The following SDK1 variants were observed in gnomAD, a reference collection of about 807,000 sequenced individuals.
SDK1 encodes protein sidekick-1.
Under a neutral mutation model 245.5 loss-of-function variants are expected in SDK1, and 157 were observed. The ratio of observed to expected loss-of-function variants is 0.64; its 90% confidence interval spans 0.56 to 0.73. The LOEUF is 0.73. Among genes scored for constraint, SDK1 ranks in the 30% least tolerant of loss-of-function variants. The pLI is 0.00. For missense variants in SDK1, 3,583 were observed against 3,002.3 expected, an observed-to-expected ratio of 1.19 and a Z score of -4.52; for synonymous variants, 1,647 against 1,278.5, an observed-to-expected ratio of 1.29 and a Z score of -6.15.
At position 4,026,044 on chromosome 7, in the gene SDK1, C is replaced by T. The variant is rs1050461069; in HGVS notation, c.2602+8692C>T. 5.3e-5 allele frequency among the ~76,000 whole-genome samples: 8 copies of T among 152,238 alleles called. No homozygotes were observed. Among genetic ancestry groups the T allele is most frequent in the Non-Finnish European group, 8.8e-5 (6 of 68,044 alleles). On this transcript the variant is annotated intron_variant, in intron 17 of 44. Transcript: ENST00000404826. The surrounding 1 kb of genome is among the most constrained non-coding windows in gnomAD (Gnocchi z 4.1). ...CGCATGGGGAAATTAGGTCCACGAA[C>T]GCGTCCCCAGCGTTGGGGAGGTATG...
intron 32 of SDK1, among the ~76,000 whole-genome samples, chr7:4,164,494 CTCG>C (rs1781368996): frequency 6.6e-6 from 1 of 152,240 alleles, no homozygotes; most frequent in African/African-American, 2.4e-5. Context: ...GTCCCAAGTG[CTCG>C]TTTCCCAGCC....
At chr7:4,079,973 A>G (rs779370008) in intron 22 of SDK1, among the ~76,000 whole-genome samples, 1 of 152,194 alleles carries the variant, frequency 6.6e-6, no homozygotes, top group Non-Finnish European at 1.5e-5. Flanking sequence ...TCATTCAACA[A>G]TATTTTTAGA....
At chr7:4,014,068 A>T (rs1786197464) in intron 16 of SDK1, among the ~76,000 whole-genome samples, 1 of 152,194 alleles carries the variant, frequency 6.6e-6, no homozygotes, top group Non-Finnish European at 1.5e-5. Flanking sequence ...TCCACTAATG[A>T]GAATAATTGG....
chr7:3,518,417 A>G (rs547874068), intron 1 of SDK1, among the ~76,000 whole-genome samples: 1 of 152,096 alleles, frequency 6.6e-6, no homozygotes. Flanking sequence ...ATGGGAGAAC[A>G]TATTTGCAAA....
chr7:3,776,445 A>G (rs1780564843), intron 4 of SDK1, among the ~76,000 whole-genome samples: 1 of 152,222 alleles, frequency 6.6e-6, no homozygotes, highest in Admixed American at 6.5e-5. Context: ...AGATTTCTCA[A>G]TCACATTTGA....
At chr7:4,132,556 T>A (rs1784909882) in intron 28 of SDK1, 133 bp downstream of exon 28, 1 of 613,468 alleles carries the variant, frequency 1.6e-6, no homozygotes, top group Admixed American at 2.4e-5. Context: ...ACCCCATCTC[T>A]CCAAAGAAAA....
At chr7:3,709,687 C>T (rs904894902) in intron 4 of SDK1, among the ~76,000 whole-genome samples, 2 of 152,134 alleles carry the variant, frequency 1.3e-5, no homozygotes, top group African/African-American at 4.8e-5. Flanking sequence ...GCCTCCAATC[C>T]ACCATATTGA....
At chr7:4,138,319 A>G (rs371586652) in intron 28 of SDK1, among the ~76,000 whole-genome samples, 11 of 152,344 alleles carry the variant, frequency 7.2e-5, no homozygotes, top group African/African-American at 2.4e-4. Context: ...GCAGTGCACT[A>G]TTAAACAGTC....
chr7:3,623,842 G>C (rs1391838117), intron 2 of SDK1, among the ~76,000 whole-genome samples: 4 of 152,062 alleles, frequency 2.6e-5, no homozygotes, highest in African/African-American at 9.7e-5. Flanking sequence ...AAATTTTATA[G>C]TTTTCTTATG....
At chr7:3,824,036 C>A (rs1486969438) in intron 5 of SDK1, among the ~76,000 whole-genome samples, 1 of 149,466 alleles carries the variant, frequency 6.7e-6, no homozygotes, top group Non-Finnish European at 1.5e-5. Context: ...TCTGCAGAAT[C>A]CCCCAGAATT....
At chr7:4,002,624 T>C (rs1785157166) in intron 14 of SDK1, among the ~76,000 whole-genome samples, 1 of 152,244 alleles carries the variant, frequency 6.6e-6, no homozygotes, top group Non-Finnish European at 1.5e-5. Context: ...TTAAGTGAAC[T>C]TCTATCATTT....
Position 4,174,366 on chromosome 7 carries a change from G to C in SDK1, c.4936+9G>C. Reference sequence around the variant, plus strand: ...ACATGCTGAGCTCACAGGTGAGACTGTCCCCTCTGTCCTGGTACAGGGAGG... The same window carrying C: ...ACATGCTGAGCTCACAGGTGAGACTCTCCCCTCTGTCCTGGTACAGGGAGG... On this transcript the variant is annotated intron_variant, in intron 33 of 44. Coordinates refer to ENST00000404826, the MANE Select transcript of SDK1 (RefSeq NM_152744.4). 6.2e-7 allele frequency: 1 copy of C among 1,613,356 alleles called. No individual in the cohort carries two copies. The highest frequency in any genetic ancestry group is 8.5e-7 in the Non-Finnish European group (1 of 1,179,476).
intron 1 of SDK1, among the ~76,000 whole-genome samples, chr7:3,558,079 G>T (rs1779642697): frequency 7.4e-6 from 1 of 135,268 alleles, no homozygotes; most frequent in East Asian, 2.3e-4. Context: ...AAAGACTTTA[G>T]ATGCCACGTG....
chr7:3,469,536 A>G (rs1781118124), intron 1 of SDK1, among the ~76,000 whole-genome samples: 2 of 152,182 alleles, frequency 1.3e-5, no homozygotes, highest in Admixed American at 1.3e-4. Context: ...GAGCTTGTCT[A>G]AATTGTGACT....
At chr7:4,174,903 G>T (rs528929811) in intron 33 of SDK1, among the ~76,000 whole-genome samples, 1 of 152,196 alleles carries the variant, frequency 6.6e-6, no homozygotes, top group Non-Finnish European at 1.5e-5. Flanking sequence ...CCCCTCCTCT[G>T]TTGGATGGAG....
At position 3,842,993 on chromosome 7, in the gene SDK1, G is replaced by T. The variant is rs534325521; in HGVS notation, c.847+21410G>T. 3.9e-5 allele frequency among the ~76,000 whole-genome samples: 6 copies of T among 152,234 alleles called. No individual in the cohort carries two copies. The South Asian group carries it at 1.2e-3, about 32-fold the overall frequency. On this transcript the variant is annotated intron_variant, in intron 5 of 44. Transcript: ENST00000404826. ...ACGCACATTCTCATTTGGCGAAAGTGCATTGAACAACTGCCTAACGCCCGT... is the reference window on the plus strand; with the variant it reads ...ACGCACATTCTCATTTGGCGAAAGTTCATTGAACAACTGCCTAACGCCCGT...
intron 5 of SDK1, among the ~76,000 whole-genome samples, chr7:3,919,215 G>A (rs545154843): frequency 5.3e-5 from 8 of 152,164 alleles, no homozygotes; most frequent in Admixed American, 1.3e-4. Flanking sequence ...CCATGAGCCC[G>A]GCTTCTCCCC....
chr7:3,444,582 G>A (rs1035278285), intron 1 of SDK1, among the ~76,000 whole-genome samples: 2 of 152,016 alleles, frequency 1.3e-5, no homozygotes, highest in African/African-American at 4.8e-5. Context: ...CCCAGAACTG[G>A]ACACACTCTT....
At chr7:3,524,123 T>TA (rs567887258) in intron 1 of SDK1, among the ~76,000 whole-genome samples, 8 of 152,178 alleles carry the variant, frequency 5.3e-5, no homozygotes, top group Non-Finnish European at 1.2e-4. Context: ...GGAAGGGAGT[T>TA]AACTAAGTGG....
Sources: gnomAD v4.1 joint callset for allele counts (sites outside exome capture counted in the v4.1 genomes callset) on GRCh38, gnomAD v4.1.1 for gene constraint, Gnocchi (gnomAD v3.1) non-coding constraint, MANE v1.5 for transcripts, NCBI Gene and HGNC (gene_info 2026-07-23, HGNC 2026-07-21) for gene names.